GFOD2: variants seen among roughly 807,000 people sequenced by gnomAD.
GFOD2 encodes the protein Gfo/Idh/MocA-like oxidoreductase domain containing 2.
Under a neutral mutation model 24.6 loss-of-function variants are expected in GFOD2, and 9 were observed. The ratio of observed to expected loss-of-function variants is 0.37; its 90% confidence interval spans 0.22 to 0.64. The LOEUF is 0.64. GFOD2 is among the 30% of genes least tolerant of loss of function. The probability of loss-of-function intolerance (pLI) is 0.65; values close to 1 mark genes in which losing one functional copy is unlikely to be tolerated. For missense variants in GFOD2, 476 were observed against 532.5 expected (o/e 0.89, Z 1.04); for synonymous variants, 211 against 224.8 (o/e 0.94, Z 0.55).
In GFOD2 at chr16:67,683,781, T is replaced by C. The variant is rs1023398701; in HGVS notation, c.259+1676A>G. On this transcript the variant is annotated intron_variant, in intron 2 of 2. Transcript: ENST00000268797. The stretch of plus-strand genomic sequence containing the variant: ...ACCCTGAGGTTTGCCACCATGGCAG[T>C]GGTCAGGAAGAGTGGAGGACAACCT... 13 of 1,226,744 alleles carry C rather than the reference T, an allele frequency of 1.1e-5. No individual in the cohort carries two copies. In the African/African-American group the frequency reaches 2.0e-4, roughly 19 times the overall value. The allele number at this position is 1,226,744 out of a possible 1,614,324, so 76.0% of individuals were successfully genotyped here.
At chr16:67,684,651 G>T in intron 2 of GFOD2, 1 of 647,096 alleles carries the variant, frequency 1.5e-6, no homozygotes, top group Non-Finnish European at 1.9e-6. Flanking sequence ...AGCCGGGATT[G>T]CGCCATTGAA....
In GFOD2 at chr16:67,675,841, G is replaced by T; in HGVS notation, c.472C>A (p.Leu158Met). 1.2e-6 allele frequency: 2 copies of T among 1,614,198 alleles called. No individual in the cohort carries two copies. The highest frequency in any genetic ancestry group is 1.7e-6 in the Non-Finnish European group (2 of 1,180,044). The part of the protein sequence containing the change: ...CDARIYSGSL[L>M]SPSYGWICDE... The stretch of plus-strand genomic sequence containing the variant: ...CAGATCCAGCCATAGCTGGGGCTCA[G>T]CAGGCTGCCTGAGTAGATGCGGGCA... Residue 158 changes from leucine to methionine, a missense_variant, in exon 3 of 3, where the codon CTG becomes ATG. Coordinates refer to ENST00000268797, the MANE Select transcript of GFOD2 (RefSeq NM_030819.4).
chr16:67,685,081 G>A, intron 2 of GFOD2: 1 of 1,209,154 alleles, frequency 8.3e-7, no homozygotes, highest in Non-Finnish European at 1.0e-6. Context: ...TCCTTCCTGT[G>A]GTGCTGTGTG....
At chr16:67,683,204 T>G (rs2053241288) in intron 2 of GFOD2, 1 of 1,023,938 alleles carries the variant, frequency 9.8e-7, no homozygotes, top group Non-Finnish European at 1.2e-6. Flanking sequence ...AGCTCCCAGG[T>G]GATGCTGCTG....
intron 1 of GFOD2, among the ~76,000 whole-genome samples, chr16:67,688,734 C>CTTTTT (rs113977188): frequency 7.6e-6 from 1 of 131,106 alleles, no homozygotes; most frequent in Non-Finnish European, 1.6e-5. Flanking sequence ...ATAAAATTTA[C>CTTTTT]TTTTTTTTTT....
chr16:67,676,315 G>C, intron 2 of GFOD2: 1 of 445,482 alleles, frequency 2.2e-6, no homozygotes, highest in Non-Finnish European at 4.0e-6. Context: ...TTTTTTTGTA[G>C]AGATGGGGTC....
chr16:67,710,071 G>A (rs1180438110), intron 1 of GFOD2, among the ~76,000 whole-genome samples: 2 of 151,762 alleles, frequency 1.3e-5, no homozygotes, highest in African/African-American at 2.4e-5. Flanking sequence ...TCAGCCTCCC[G>A]AGTACCTGGG....
chr16:67,682,764 A>G, intron 2 of GFOD2: 1 of 985,458 alleles, frequency 1.0e-6, no homozygotes, highest in Non-Finnish European at 1.2e-6. Flanking sequence ...AAGGAGAGAA[A>G]AATCACAGCA....
At chr16:67,688,756 A>T (rs2053287280) in intron 1 of GFOD2, among the ~76,000 whole-genome samples, 1 of 137,160 alleles carries the variant, frequency 7.3e-6, no homozygotes. Context: ...TTTTTTTGAG[A>T]CGGAGTCTCG....
chr16:67,706,369 AC>A (rs1398975674), intron 1 of GFOD2, among the ~76,000 whole-genome samples: 1 of 152,228 alleles, frequency 6.6e-6, no homozygotes, highest in Non-Finnish European at 1.5e-5. Context: ...AGACAAAGTT[AC>A]AGCCTTGTAA....
chr16:67,709,427 T>G (rs1222422682), intron 1 of GFOD2, among the ~76,000 whole-genome samples: 1 of 152,178 alleles, frequency 6.6e-6, no homozygotes. Context: ...GCACAGACTA[T>G]GAGCCAGGCC....
chr16:67,692,849 AC>A (rs2053325312), intron 1 of GFOD2, among the ~76,000 whole-genome samples: 2 of 151,364 alleles, frequency 1.3e-5, no homozygotes, highest in South Asian at 4.2e-4. Flanking sequence ...ACATGGTAAA[AC>A]CCCGTCTCTA....
At chr16:67,697,746 T>C (rs1005383315) in intron 1 of GFOD2, among the ~76,000 whole-genome samples, 1 of 152,222 alleles carries the variant, frequency 6.6e-6, no homozygotes, top group African/African-American at 2.4e-5. Flanking sequence ...CACTGTCTGC[T>C]CTGGGGGTGA....
intron 1 of GFOD2, among the ~76,000 whole-genome samples, chr16:67,714,498 C>A (rs941213550): frequency 6.9e-4 from 102 of 147,486 alleles, no homozygotes; most frequent in Admixed American, 5.2e-3. Flanking sequence ...AAAAAAATTA[C>A]GATCCAGAAA....
intron 2 of GFOD2, chr16:67,681,368 G>C: frequency 1.0e-6 from 1 of 985,338 alleles, no homozygotes; most frequent in Non-Finnish European, 1.2e-6. Context: ...CCTGTTTCAT[G>C]CCTCAAGAGG....
intron 1 of GFOD2, among the ~76,000 whole-genome samples, chr16:67,710,457 C>T (rs1260651605): frequency 1.3e-5 from 2 of 151,028 alleles, no homozygotes; most frequent in East Asian, 4.0e-4. Context: ...CTCCGCCTCC[C>T]GGGTTCACGC....
chr16:67,694,954 C>T (rs1237422391), intron 1 of GFOD2, among the ~76,000 whole-genome samples: 1 of 150,228 alleles, frequency 6.7e-6, no homozygotes, highest in African/African-American at 2.4e-5. Flanking sequence ...ACTCAGTCAC[C>T]TTGCTTTCCT....
chr16:67,707,663 G>A (rs1191407335), intron 1 of GFOD2, among the ~76,000 whole-genome samples: 1 of 151,966 alleles, frequency 6.6e-6, no homozygotes, highest in Non-Finnish European at 1.5e-5. Context: ...ATGGAATACA[G>A]TAAAACAGTA....
At chr16:67,702,172 C>A (rs1243462176) in intron 1 of GFOD2, among the ~76,000 whole-genome samples, 1 of 152,142 alleles carries the variant, frequency 6.6e-6, no homozygotes, top group Non-Finnish European at 1.5e-5. Context: ...AGCCATACGG[C>A]CCACACAGCT....
Sources: gnomAD v4.1 joint callset for allele counts (sites outside exome capture counted in the v4.1 genomes callset) on GRCh38, gnomAD v4.1.1 for gene constraint, MANE v1.5 for transcripts, NCBI Gene and HGNC (gene_info 2026-07-23, HGNC 2026-07-21) for gene names.